The following TLL1 variants were observed in gnomAD, a reference collection of about 807,000 sequenced individuals.
TLL1 encodes tolloid like 1.
Under a neutral mutation model 128.2 loss-of-function variants are expected in TLL1, and 49 were observed. The ratio of observed to expected loss-of-function variants is 0.38; its 90% CI spans 0.30 to 0.48. The LOEUF (loss-of-function observed/expected upper bound fraction) is 0.48. TLL1 is among the 20% of genes least tolerant of loss of function. The pLI, the probability that TLL1 is intolerant of heterozygous loss-of-function variation, is 0.96. For synonymous variants in TLL1, 454 were observed against 418.8 expected, an observed-to-expected ratio of 1.08 and a Z score of -1.03; for missense variants, 1,123 against 1,242.0, an observed-to-expected ratio of 0.90 and a Z score of 1.44.
At chr4:166,004,783 T>C (rs868429263) in intron 6 of TLL1, among the ~76,000 whole-genome samples, 1 of 152,134 alleles carries the variant, frequency 6.6e-6, no homozygotes, top group Non-Finnish European at 1.5e-5. Context: ...TCTTATCCTT[T>C]ACTTAGGAAA....
intron 9 of TLL1, among the ~76,000 whole-genome samples, chr4:166,027,007 G>T (rs1333217845): frequency 1.3e-5 from 2 of 152,142 alleles, no homozygotes; most frequent in Non-Finnish European, 2.9e-5. Flanking sequence ...GTCGATGGTG[G>T]ATGGGATAAA....
rs142862693 is a variant in TLL1 at position 165,971,967 on chromosome 4, C to A, written c.170-17414C>A. Among the ~76,000 whole-genome samples, 3 of 152,238 alleles carry A rather than the reference C, an allele frequency of 2.0e-5. No homozygotes were observed. The East Asian group carries it at 5.8e-4, about 29-fold the overall frequency. ...AGGGTTAGAGTGACAGCAACATTCTCTTCCAGCTTTGTGTAGCCTACGTAT... is the reference window on the plus strand; with the variant it reads ...AGGGTTAGAGTGACAGCAACATTCTATTCCAGCTTTGTGTAGCCTACGTAT... On this transcript the variant is annotated intron_variant, in intron 1 of 20. Transcript: ENST00000061240.
At position 165,993,945 on chromosome 4, in the gene TLL1, A is replaced by G. The variant is rs1272347471; in HGVS notation, c.362-436A>G. On this transcript the variant is annotated intron_variant, in intron 3 of 20. Transcript: ENST00000061240. ...TCTTAATTTTAGACTGTACTGTGGA[A>G]TATCAGTTCAGATTTGAAGGATTAG... Among the ~76,000 whole-genome samples, 7 of 152,294 alleles carry G rather than the reference A, an allele frequency of 4.6e-5. No homozygotes were observed. The East Asian group carries it at 1.4e-3, about 29-fold the overall frequency.
At chr4:166,042,193 A>C in intron 11 of TLL1, 50 bp downstream of exon 11, 1 of 1,221,222 alleles carries the variant, frequency 8.2e-7, no homozygotes, top group Non-Finnish European at 1.2e-6. Context: ...TCTCAACAGA[A>C]ATGTTCGTTT....
chr4:165,994,295 G>T, intron 3 of TLL1, 86 bp from the exon 4 acceptor site: 1 of 1,513,686 alleles, frequency 6.6e-7, no homozygotes, highest in South Asian at 1.2e-5. Flanking sequence ...ATGTAAATAA[G>T]ACATTTTAAC....
intron 15 of TLL1, among the ~76,000 whole-genome samples, chr4:166,063,055 C>A (rs1276489579): frequency 6.6e-6 from 1 of 152,064 alleles, no homozygotes. Flanking sequence ...GAACAGGTAA[C>A]CTACAGAATG....
At chr4:166,031,320 A>C (rs567062425) in intron 9 of TLL1, among the ~76,000 whole-genome samples, 4 of 150,092 alleles carry the variant, frequency 2.7e-5, no homozygotes, top group African/African-American at 9.8e-5. Context: ...TTAAATCAAG[A>C]TGTATCATTT....
intron 1 of TLL1, among the ~76,000 whole-genome samples, chr4:165,934,173 CTTTTT>C (rs779010027): frequency 7.4e-5 from 8 of 108,304 alleles, no homozygotes; most frequent in Non-Finnish European, 1.3e-4. Context: ...TAATTTTTTG[CTTTTT>C]TTTTTTTTTT....
At chr4:166,007,631 A>T (rs548962441) in intron 6 of TLL1, among the ~76,000 whole-genome samples, 5 of 151,908 alleles carry the variant, frequency 3.3e-5, no homozygotes, top group African/African-American at 1.2e-4. Flanking sequence ...TACATTACCA[A>T]AAGTGCAGTA....
chr4:166,005,394 T>C (rs59029606), intron 6 of TLL1, among the ~76,000 whole-genome samples: 2,023 of 151,976 alleles, frequency 0.013, 43 homozygotes, highest in African/African-American at 0.045. Flanking sequence ...GACTATAAAA[T>C]GGGTAAAAAC....
chr4:166,008,159 C>G (rs1579616513), intron 7 of TLL1, 111 bp downstream of exon 7: 1 of 733,548 alleles, frequency 1.4e-6, no homozygotes, highest in East Asian at 2.7e-5. Context: ...ATTGCTACCT[C>G]ACTGCAGAAA....
At chr4:165,961,590 C>T (rs1735107723) in intron 1 of TLL1, among the ~76,000 whole-genome samples, 1 of 152,138 alleles carries the variant, frequency 6.6e-6, no homozygotes, top group African/African-American at 2.4e-5. Flanking sequence ...CTACAGTAAC[C>T]AAAATAGCAT....
At chr4:166,071,409 C>G (rs1198511354) in intron 16 of TLL1, among the ~76,000 whole-genome samples, 1 of 151,850 alleles carries the variant, frequency 6.6e-6, no homozygotes, top group African/African-American at 2.4e-5. Flanking sequence ...CAGACATGTC[C>G]ATTCCAAAGA....
At chr4:166,042,973 TCA>T (rs1739305221) in intron 11 of TLL1, among the ~76,000 whole-genome samples, 1 of 152,154 alleles carries the variant, frequency 6.6e-6, no homozygotes, top group Non-Finnish European at 1.5e-5. Context: ...CAGAACAAAC[TCA>T]CAGAGAATAA....
chr4:166,045,495 T>G (rs957168613), intron 12 of TLL1, among the ~76,000 whole-genome samples: 1 of 152,022 alleles, frequency 6.6e-6, no homozygotes, highest in Admixed American at 6.6e-5. Context: ...ACTGTTCTCA[T>G]CATCACCCCT....
intron 18 of TLL1, among the ~76,000 whole-genome samples, chr4:166,088,495 G>A (rs1185942822): frequency 1.3e-5 from 2 of 152,006 alleles, no homozygotes; most frequent in Non-Finnish European, 2.9e-5. Flanking sequence ...ACAGACTTCC[G>A]AGATCTCAGC....
chr4:166,042,439 T>C (rs1306231565), intron 11 of TLL1, among the ~76,000 whole-genome samples: 2 of 152,234 alleles, frequency 1.3e-5, no homozygotes, highest in East Asian at 3.8e-4. Context: ...TAAAACATTA[T>C]GAAGAAATTA....
chr4:166,039,507 A>C, intron 10 of TLL1, 66 bp downstream of exon 10: 1 of 1,145,664 alleles, frequency 8.7e-7, no homozygotes, highest in Non-Finnish European at 1.3e-6. Flanking sequence ...AAACCAACCG[A>C]TTCTCTCAAG....
At chr4:166,095,406 T>C (rs1435954049) in intron 19 of TLL1, among the ~76,000 whole-genome samples, 1 of 144,282 alleles carries the variant, frequency 6.9e-6, no homozygotes, top group Non-Finnish European at 1.5e-5. Flanking sequence ...AGGAAACAAA[T>C]CTTTAGTAAA....
Sources: allele counts gnomAD v4.1 joint callset (sites outside exome capture counted in the v4.1 genomes callset), GRCh38; gene constraint gnomAD v4.1.1; transcripts MANE v1.5; gene names NCBI Gene and HGNC (gene_info 2026-07-23, HGNC 2026-07-21).